Variants in NEO1 observed in about 807,000 individuals in gnomAD.
The protein encoded by NEO1 is neogenin.
A neutral mutation model predicts 159.7 loss-of-function variants in NEO1; 63 were observed. The observed-to-expected ratio is 0.39, with a 90% CI of 0.32 to 0.49. The LOEUF is 0.49. Among genes scored for constraint, NEO1 ranks in the 20% least tolerant of loss-of-function variants. The pLI, the probability that NEO1 is intolerant of heterozygous loss-of-function variation, is 0.85. For synonymous variants in NEO1, 633 were observed against 662.0 expected, an observed-to-expected ratio of 0.96 and a Z score of 0.67; for missense variants, 1,615 against 1,831.0, an observed-to-expected ratio of 0.88 and a Z score of 2.15.
At chr15:73,179,878 T>TAC (rs1256446003) in intron 7 of NEO1, among the ~76,000 whole-genome samples, 16 of 150,984 alleles carry the variant, frequency 1.1e-4, no homozygotes, top group South Asian at 6.2e-4. Flanking sequence ...TATATATATA[T>TAC]ACACTGTTTT....
intron 1 of NEO1, among the ~76,000 whole-genome samples, chr15:73,085,594 T>C (rs1046959273): frequency 2.0e-5 from 3 of 152,164 alleles, no homozygotes; most frequent in African/African-American, 7.2e-5. Flanking sequence ...CCACCAACAG[T>C]GTATGGGAGT....
chr15:73,291,644 A>G (rs948717985), intron 25 of NEO1, among the ~76,000 whole-genome samples: 6 of 152,160 alleles, frequency 3.9e-5, no homozygotes, highest in African/African-American at 1.4e-4. Flanking sequence ...AGTGCCAGGA[A>G]GGGTTTGCTG....
At chr15:73,250,234 G>A (rs374245182) in intron 11 of NEO1, among the ~76,000 whole-genome samples, 18 of 151,576 alleles carry the variant, frequency 1.2e-4, no homozygotes, top group African/African-American at 2.9e-4. Flanking sequence ...AGTGTTTTTC[G>A]AACTACAGCT....
Position 73,258,867 on chromosome 15 carries a change from G to A in NEO1, c.2194G>A (p.Asp732Asn), listed in dbSNP as rs759103350. ...GCTGTCTGCTGAAACTTTTGAAAGT[G>A]ACCTAGATGGTAAGAATAACAATTG... Reference protein sequence around the residue: ...DWLSAETFESDLDETRVPEVP... With the variant: ...DWLSAETFESNLDETRVPEVP... The change falls in exon 14 of 29, where the codon GAC (aspartate) becomes AAC (asparagine). Residue 732 changes from aspartate to asparagine, a missense_variant. Around this residue, in one of 3 missense-constraint regions of NEO1, gnomAD observed 1,018 missense variants for 1,115.4 expected, o/e 0.91. Transcript: ENST00000261908. 138 of 1,613,234 alleles carry A rather than the reference G, an allele frequency of 8.6e-5. 1 individual carries two copies. Among genetic ancestry groups the A allele is most frequent in the Non-Finnish European group, 1.1e-4 (130 of 1,179,442 alleles).
chr15:73,214,532 CT>C (rs978444758), intron 7 of NEO1, among the ~76,000 whole-genome samples: 5 of 152,140 alleles, frequency 3.3e-5, no homozygotes, highest in Non-Finnish European at 5.9e-5. Context: ...AAAGGGTGTC[CT>C]TTCCCCACTT....
chr15:73,079,381 G>A (rs981587175), intron 1 of NEO1, among the ~76,000 whole-genome samples: 1 of 152,028 alleles, frequency 6.6e-6, no homozygotes, highest in African/African-American at 2.4e-5. Flanking sequence ...CTTACTTTTG[G>A]ACTTTTAAAA....
At chr15:73,184,226 GC>G (rs1453752846) in intron 7 of NEO1, among the ~76,000 whole-genome samples, 1 of 152,110 alleles carries the variant, frequency 6.6e-6, no homozygotes, top group East Asian at 1.9e-4. Flanking sequence ...CGCGATCTCA[GC>G]TCACTGCAGC....
intron 7 of NEO1, among the ~76,000 whole-genome samples, chr15:73,198,111 T>C (rs2036640490): frequency 6.6e-6 from 1 of 152,222 alleles, no homozygotes; most frequent in Non-Finnish European, 1.5e-5. Context: ...TTCTGCCATC[T>C]TGATTTTTTC....
chr15:73,217,650 C>T (rs1409073376), intron 7 of NEO1, among the ~76,000 whole-genome samples: 1 of 152,070 alleles, frequency 6.6e-6, no homozygotes, highest in East Asian at 1.9e-4. Flanking sequence ...CTTCACGTCC[C>T]TTGTAAGTTG....
At position 73,249,180 on chromosome 15, in the gene NEO1, A is replaced by G; in HGVS notation, c.1727A>G (p.Tyr576Cys). The change falls in exon 10 of 29, where the codon TAC (tyrosine) becomes TGC (cysteine). Residue 576 changes from tyrosine (Y) to cysteine (C), a missense_variant. Around this residue, in one of 3 missense-constraint regions of NEO1, gnomAD observed 1,018 missense variants for 1,115.4 expected, o/e 0.91. Transcript: ENST00000261908. Reference protein sequence around the residue: ...NGEIQNYKLYYMEKGTDKEQD... With the variant: ...NGEIQNYKLYCMEKGTDKEQD... ...GAAATTCAGAATTATAAATTGTACT[A>G]CATGGAAAAGGGGACTGATAAAGAA... The G allele has an allele frequency of 1.9e-6, 3 of 1,614,068 alleles. No homozygotes were observed. The highest frequency in any genetic ancestry group is 2.5e-6 in the Non-Finnish European group (3 of 1,179,920).
At chr15:73,120,551 T>A (rs2071586353) in intron 2 of NEO1, among the ~76,000 whole-genome samples, 1 of 151,936 alleles carries the variant, frequency 6.6e-6, no homozygotes, top group East Asian at 1.9e-4. Context: ...ATTCTGAGCA[T>A]AGCAATCACT....
intron 7 of NEO1, among the ~76,000 whole-genome samples, chr15:73,189,219 T>A (rs185951442): frequency 3.9e-5 from 6 of 152,324 alleles, no homozygotes; most frequent in Admixed American, 2.0e-4. Flanking sequence ...TACTCCTTGG[T>A]ATACATGGGA....
At chr15:73,253,559 A>G (rs2040191952) in intron 12 of NEO1, 110 bp downstream of exon 12, 2 of 662,850 alleles carry the variant, frequency 3.0e-6, no homozygotes, top group Non-Finnish European at 2.5e-6. Flanking sequence ...ATGAATGGCG[A>G]TGTGGTAATA....
At chr15:73,052,427 C>T (rs1190685206), upstream of NEO1, 2 of 109,022 alleles carry the variant, frequency 1.8e-5, no homozygotes, top group East Asian at 5.2e-4. Flanking sequence ...CCCCCCCCCG[C>T]CCCGGAATGT....
At chr15:73,274,614 A>T in intron 20 of NEO1, 78 bp from the exon 21 acceptor site, 1 of 1,456,790 alleles carries the variant, frequency 6.9e-7, no homozygotes, top group South Asian at 1.2e-5. Flanking sequence ...TTTTTCCTTT[A>T]AAAAGTTCTG....
intron 4 of NEO1, among the ~76,000 whole-genome samples, chr15:73,133,489 C>G (rs1172299919): frequency 6.6e-6 from 1 of 152,132 alleles, no homozygotes; most frequent in East Asian, 1.9e-4. Context: ...TCTGAGAAAT[C>G]ACCACTAAAT....
intron 13 of NEO1, among the ~76,000 whole-genome samples, chr15:73,257,911 T>G (rs2040443504): frequency 1.3e-5 from 2 of 152,210 alleles, no homozygotes; most frequent in Non-Finnish European, 2.9e-5. Flanking sequence ...ATAAATTGAC[T>G]TGGGCCCAGG....
At chr15:73,204,524 C>T (rs2037103291) in intron 7 of NEO1, among the ~76,000 whole-genome samples, 1 of 151,766 alleles carries the variant, frequency 6.6e-6, no homozygotes, top group East Asian at 1.9e-4. Context: ...ACTGGCTGTC[C>T]TCAATTGACC....
chr15:73,180,243 A>G (rs1420682063), intron 7 of NEO1, among the ~76,000 whole-genome samples: 1 of 152,192 alleles, frequency 6.6e-6, no homozygotes, highest in East Asian at 1.9e-4. Context: ...ATTGGCAAAG[A>G]TGGCACCTAC....
Sources: allele counts gnomAD v4.1 joint callset (sites outside exome capture counted in the v4.1 genomes callset), GRCh38; gene constraint gnomAD v4.1.1; regional missense constraint gnomAD v4.1.1; transcripts MANE v1.5; gene names NCBI Gene and HGNC (gene_info 2026-07-23, HGNC 2026-07-21).